Variants in PYGO2 observed in about 807,000 individuals in gnomAD.
PYGO2 encodes the protein pygopus family PHD finger 2, also known as pygopus homolog 2.
A neutral mutation model predicts 26.7 loss-of-function variants in PYGO2; 9 were observed. That is an observed-to-expected ratio of 0.34 (90% CI 0.20 to 0.59). The LOEUF is 0.59. Among genes scored for constraint, PYGO2 ranks in the 20% least tolerant of loss-of-function variants. PYGO2 has a pLI of 0.84. For synonymous variants in PYGO2, 236 were observed against 219.0 expected (o/e 1.08, Z -0.68); for missense variants, 538 against 561.5 (o/e 0.96, Z 0.42).
intron 1 of PYGO2, 94 bp from the exon 2 acceptor site, chr1:154,961,120 G>A: frequency 2.7e-6 from 3 of 1,101,638 alleles, no homozygotes; most frequent in Middle Eastern, 2.1e-4. Context: ...CTCCTTTAAC[G>A]TCAATACATA....
chr1:154,960,687 T>G (rs906246872), intron 2 of PYGO2, among the ~76,000 whole-genome samples: 1 of 151,886 alleles, frequency 6.6e-6, no homozygotes, highest in African/African-American at 2.4e-5. Flanking sequence ...AAAGGATCAG[T>G]AAGTGGTAGG....
rs375007769 is a variant in PYGO2, at chr1:154,959,752, C to G, written c.248G>C (p.Gly83Ala). The part of the protein sequence containing the change: ...VASNPFEDDF[G>A]APKVGVAAPP... Reference sequence around the variant, plus strand: ...GGCTGCAACCCCCACTTTGGGGGCTCCGAAGTCATCTTCAAAAGGGTTGGA... The same window carrying G: ...GGCTGCAACCCCCACTTTGGGGGCTGCGAAGTCATCTTCAAAAGGGTTGGA... The change falls in exon 3 of 3, where the codon GGA becomes GCA. Residue 83 changes from glycine to alanine, a missense_variant. Gly to Ala is a moderately conservative substitution (Grantham distance 60, BLOSUM62 0). This residue lies in a region of PYGO2 where 381 missense variants were observed against 336.6 expected (regional missense o/e 1.13). Transcript: ENST00000368457. This position sits in a 1 kb window ranked among gnomAD's most constrained non-coding sequence, Gnocchi z 4.7. 7 of 1,395,174 alleles carry G rather than the reference C, an allele frequency of 5.0e-6. No homozygotes were observed. The highest frequency in any genetic ancestry group is 6.6e-6 in the Non-Finnish European group (7 of 1,065,342). The allele number at this position is 1,395,174 out of a possible 1,614,324, so 86.4% of individuals were successfully genotyped here.
Position 154,958,539 on chromosome 1 carries a change from A to C in PYGO2, c.*240T>G, listed in dbSNP as rs1015733648. 3.2e-5 allele frequency: 17 copies of C among 532,150 alleles called. No homozygotes were observed. The highest frequency in any genetic ancestry group is 5.4e-5 in the Non-Finnish European group (16 of 296,190). The allele number at this position is 532,150 out of a possible 1,614,324, so 33.0% of individuals were successfully genotyped here. A position where few individuals can be genotyped will look rare whatever the true frequency, so the allele number is the denominator to read the frequency against. On this transcript the variant is annotated 3_prime_UTR_variant, in exon 3 of 3. Transcript: ENST00000368457. ...AAATAGCCACAAAATGGCTCTGCTC[A>C]GCAGGGCTTTGGTTTCCTGGATCTC...
At position 154,961,759 on chromosome 1, in the gene PYGO2, CCAGCGGCGG is replaced by C. The variant is rs1210655997; in HGVS notation, c.-192_-184del. 1.5e-5 allele frequency: 6 copies of C among 402,576 alleles called. No individual in the cohort carries two copies. The highest frequency in any genetic ancestry group is 2.2e-5 in the Non-Finnish European group (5 of 226,874). 24.9% of individuals were successfully genotyped at this position (402,576 alleles called of 1,614,324 possible). ...GCGCTCTCTCCAGACTCGCCGCCCG[CCAGCGGCGG>C]CAGCAACCGGAACCGGAACTCGTCG... On this transcript the variant is annotated 5_prime_UTR_variant, in exon 1 of 3. Coordinates refer to ENST00000368457, the MANE Select transcript of PYGO2 (RefSeq NM_138300.4).
At position 154,959,927 on chromosome 1, in the gene PYGO2, A is replaced by G. The variant is rs1655287256; in HGVS notation, c.154-81T>C. On this transcript the variant is annotated intron_variant, in intron 2 of 2. Coordinates refer to ENST00000368457, the MANE Select transcript of PYGO2 (RefSeq NM_138300.4). This position sits in a 1 kb window ranked among gnomAD's most constrained non-coding sequence, Gnocchi z 4.7. ...CAAGAGAGCACTACCAACACAATACACATTTTGGAGGCTGATACTGTGGGC... is the reference window on the plus strand; with the variant it reads ...CAAGAGAGCACTACCAACACAATACGCATTTTGGAGGCTGATACTGTGGGC... 2.4e-6 allele frequency: 2 copies of G among 827,630 alleles called. No homozygotes were observed. The highest frequency in any genetic ancestry group is 8.3e-5 in the Admixed American group (2 of 23,984). The allele number at this position is 827,630 out of a possible 1,614,324, so 51.3% of individuals were successfully genotyped here. A position where few individuals can be genotyped will look rare whatever the true frequency, so the allele number is the denominator to read the frequency against.
In PYGO2 at chr1:154,958,728, C is replaced by T. The variant is rs754286711; in HGVS notation, c.*51G>A. On this transcript the variant is annotated 3_prime_UTR_variant, in exon 3 of 3. Coordinates refer to ENST00000368457, the MANE Select transcript of PYGO2 (RefSeq NM_138300.4). Reference sequence around the variant, plus strand: ...AGAGCCAAACATCAAAAAAATCACCCTGGAAGAGCAGGGAGAGACATGTGC... The same window carrying T: ...AGAGCCAAACATCAAAAAAATCACCTTGGAAGAGCAGGGAGAGACATGTGC... 2.0e-6 allele frequency: 3 copies of T among 1,490,242 alleles called. No individual in the cohort carries two copies. Among genetic ancestry groups the T allele is most frequent in the Non-Finnish European group, 2.8e-6 (3 of 1,081,652 alleles). 92.3% of individuals were successfully genotyped at this position (1,490,242 alleles called of 1,614,324 possible). A position where few individuals can be genotyped will look rare whatever the true frequency, so the allele number is the denominator to read the frequency against.
At position 154,959,966 on chromosome 1, in the gene PYGO2, A is replaced by T; in HGVS notation, c.154-120T>A. 1.9e-6 allele frequency: 1 copy of T among 538,354 alleles called. No homozygotes were observed. Among genetic ancestry groups the T allele is most frequent in the Non-Finnish European group, 2.9e-6 (1 of 349,456 alleles). The allele number at this position is 538,354 out of a possible 1,614,324, so 33.3% of individuals were successfully genotyped here. On this transcript the variant is annotated intron_variant, in intron 2 of 2. Coordinates refer to ENST00000368457, the MANE Select transcript of PYGO2 (RefSeq NM_138300.4). This position sits in a 1 kb window ranked among gnomAD's most constrained non-coding sequence, Gnocchi z 4.7. ...GATACTGTGGGCAGCTCAGGTCTAAAATCAATATGGACCACAGGCCAGGTG... is the reference window on the plus strand; with the variant it reads ...GATACTGTGGGCAGCTCAGGTCTAATATCAATATGGACCACAGGCCAGGTG...
In PYGO2 at chr1:154,959,658, T is replaced by C; in HGVS notation, c.342A>G (p.Val114=). Residue 114 remains valine, a synonymous_variant, in exon 3 of 3, where the codon GTA becomes GTG. Coordinates refer to ENST00000368457, the MANE Select transcript of PYGO2 (RefSeq NM_138300.4). This position sits in a 1 kb window ranked among gnomAD's most constrained non-coding sequence, Gnocchi z 4.7. ...FRVQGGMAGQ[V]PPGYSTGGGG... ...CACCTCCAGTGCTGTAGCCTGGGGGTACCTGGCCCGCCATGCCCCCCTGCA... is the reference window on the plus strand; with the variant it reads ...CACCTCCAGTGCTGTAGCCTGGGGGCACCTGGCCCGCCATGCCCCCCTGCA... 7.0e-7 allele frequency: 1 copy of C among 1,428,182 alleles called. No homozygotes were observed. The highest frequency in any genetic ancestry group is 9.2e-7 in the Non-Finnish European group (1 of 1,085,718). 88.5% of individuals were successfully genotyped at this position (1,428,182 alleles called of 1,614,324 possible).
Position 154,961,562 on chromosome 1 carries a change from C to G in PYGO2, c.15G>C (p.Ala5=), listed in dbSNP as rs1016432802. 7.3e-7 allele frequency: 1 copy of G among 1,375,898 alleles called. No individual in the cohort carries two copies. The highest frequency in any genetic ancestry group is 9.3e-7 in the Non-Finnish European group (1 of 1,071,096). The allele number at this position is 1,375,898 out of a possible 1,614,324, so 85.2% of individuals were successfully genotyped here. A position where few individuals can be genotyped will look rare whatever the true frequency, so the allele number is the denominator to read the frequency against. Residue 5 remains alanine (A), a synonymous_variant, in exon 1 of 3, where the codon GCG becomes GCC. Coordinates refer to ENST00000368457, the MANE Select transcript of PYGO2 (RefSeq NM_138300.4). Reference sequence around the variant, plus strand: ...CCTCCAGCTTGTCCGGTGGGGGCGGCGCCGAGGCGGCCATGGAGTGGGGGA... The same window carrying G: ...CCTCCAGCTTGTCCGGTGGGGGCGGGGCCGAGGCGGCCATGGAGTGGGGGA... MAAS[A]PPPPDKLEGG... is the part of the protein sequence containing the mutation.
At chr1:154,960,664 C>T (rs1018251026) in intron 2 of PYGO2, among the ~76,000 whole-genome samples, 2 of 151,964 alleles carry the variant, frequency 1.3e-5, no homozygotes, top group Admixed American at 6.6e-5. Context: ...TAGCGCAATC[C>T]CTGGCACTAA....
chr1:154,959,798 TGGG>T lies in PYGO2; in HGVS notation c.199_201del (p.Pro67del). The T allele has an allele frequency of 7.3e-7, 1 of 1,377,620 alleles. No homozygotes were observed. Among genetic ancestry groups the T allele is most frequent in the Admixed American group, 2.9e-5 (1 of 35,080 alleles). The allele number at this position is 1,377,620 out of a possible 1,614,324, so 85.3% of individuals were successfully genotyped here. On this transcript the variant is annotated inframe_deletion, in exon 3 of 3. Transcript: ENST00000368457. This position sits in a 1 kb window ranked among gnomAD's most constrained non-coding sequence, Gnocchi z 4.7. ...TTGGATGCAACCAGGTGATCCACCA[TGGG>T]AGTTGGGGGTGGTGCAAACTCCGTC...
rs940744331 is a variant in PYGO2 at position 154,959,376 on chromosome 1, T to C, written c.624A>G (p.Pro208=). The change falls in exon 3 of 3, where the codon CCA becomes CCG. Residue 208 remains proline (P), a synonymous_variant. Transcript: ENST00000368457. This position sits in a 1 kb window ranked among gnomAD's most constrained non-coding sequence, Gnocchi z 4.7. ...GAGCAAATCGTTGGGACAGAGAAGGTGGGCCCAGCTCTGCTCTGGGAGGCT... is the reference window on the plus strand; with the variant it reads ...GAGCAAATCGTTGGGACAGAGAAGGCGGGCCCAGCTCTGCTCTGGGAGGCT... The part of the protein sequence containing the change: ...MGQPPRAELG[P]PSLSQRFAQP... 6.2e-7 allele frequency: 1 copy of C among 1,609,044 alleles called. No individual in the cohort carries two copies. Among genetic ancestry groups the C allele is most frequent in the African/African-American group, 1.3e-5 (1 of 74,772 alleles).
rs1338275022 is a variant in PYGO2, at chr1:154,959,319, G to A, written c.681C>T (p.Leu227=). 7 of 1,604,520 alleles carry A rather than the reference G, an allele frequency of 4.4e-6. No individual in the cohort carries two copies. The highest frequency in any genetic ancestry group is 6.0e-6 in the Non-Finnish European group (7 of 1,175,894). ...QPGAPFGPSP[L]QRPGQGLPSL... is the part of the protein sequence containing the mutation. ...TGGGGAGCCCCTGACCAGGTCTCTG[G>A]AGAGGAGAAGGGCCAAAAGGAGCCC... Residue 227 remains leucine, a synonymous_variant, in exon 3 of 3, where the codon CTC becomes CTT. Transcript: ENST00000368457. The surrounding 1 kb of genome is among the most constrained non-coding windows in gnomAD (Gnocchi z 4.7).
rs757474823 is a variant in PYGO2, at chr1:154,959,714, C to G, written c.286G>C (p.Gly96Arg). 2.1e-6 allele frequency: 3 copies of G among 1,419,106 alleles called. No homozygotes were observed. Among genetic ancestry groups the G allele is most frequent in the Non-Finnish European group, 1.9e-6 (2 of 1,078,582 alleles). The allele number at this position is 1,419,106 out of a possible 1,614,324, so 87.9% of individuals were successfully genotyped here. ...AAGCCTCCGAAGGGCACAGGACTGCCAAGGAATGGAGGGGCTGCAACCCCC... is the reference window on the plus strand; with the variant it reads ...AAGCCTCCGAAGGGCACAGGACTGCGAAGGAATGGAGGGGCTGCAACCCCC... ...KVGVAAPPFL[G>R]SPVPFGGFRV... Residue 96 changes from glycine (G) to arginine (R), a missense_variant, in exon 3 of 3, where the codon GGC becomes CGC. Coordinates refer to ENST00000368457, the MANE Select transcript of PYGO2 (RefSeq NM_138300.4). This position sits in a 1 kb window ranked among gnomAD's most constrained non-coding sequence, Gnocchi z 4.7.
Position 154,958,480 on chromosome 1 carries a change from CT to C in PYGO2, c.*298del. On this transcript the variant is annotated 3_prime_UTR_variant, in exon 3 of 3. Coordinates refer to ENST00000368457, the MANE Select transcript of PYGO2 (RefSeq NM_138300.4). ...TGCCCTCCGGATCTTCCTCCAGCCC[CT>C]TTTCTCTTGCAGCCACACTCCTGGG... The C allele has an allele frequency of 2.6e-6, 1 of 387,400 alleles. No homozygotes were observed. The highest frequency in any genetic ancestry group is 4.8e-6 in the Non-Finnish European group (1 of 209,646). The allele number at this position is 387,400 out of a possible 1,614,324, so 24.0% of individuals were successfully genotyped here. A position where few individuals can be genotyped will look rare whatever the true frequency, so the allele number is the denominator to read the frequency against.
Position 154,957,126 on chromosome 1 carries a change from G to C in PYGO2, c.*1653C>G, listed in dbSNP as rs1655208539. 6.6e-6 allele frequency: 1 copy of C among 152,392 alleles called. No homozygotes were observed. Among genetic ancestry groups the C allele is most frequent in the South Asian group, 2.1e-4 (1 of 4,832 alleles). The allele number at this position is 152,392 out of a possible 1,614,324, so 9.4% of individuals were successfully genotyped here. A position where few individuals can be genotyped will look rare whatever the true frequency, so the allele number is the denominator to read the frequency against. ...TTCCAAAAAGTAGTGGAGTGAGAGA[G>C]CGAGAGGGAGCAGATCCAGCAAAAA... On this transcript the variant is annotated 3_prime_UTR_variant, in exon 3 of 3. Coordinates refer to ENST00000368457, the MANE Select transcript of PYGO2 (RefSeq NM_138300.4).
intron 1 of PYGO2, 91 bp downstream of exon 1, chr1:154,961,383 G>T: frequency 2.3e-6 from 2 of 852,274 alleles, no homozygotes; most frequent in South Asian, 1.8e-5. Context: ...CAAGCCTTCA[G>T]ACTGTGAAAC....
intron 1 of PYGO2, 148 bp from the exon 2 acceptor site, chr1:154,961,174 A>G (rs1655348022): frequency 1.3e-6 from 1 of 744,972 alleles, no homozygotes; most frequent in African/African-American, 1.8e-5. Context: ...GTGCAATATG[A>G]AAAATAGATT....
In PYGO2 at chr1:154,961,757, C is replaced by T. The variant is rs531340051; in HGVS notation, c.-181G>A. On this transcript the variant is annotated 5_prime_UTR_variant, in exon 1 of 3. Coordinates refer to ENST00000368457, the MANE Select transcript of PYGO2 (RefSeq NM_138300.4). ...GCGCGCTCTCTCCAGACTCGCCGCC[C>T]GCCAGCGGCGGCAGCAACCGGAACC... 5.7e-5 allele frequency: 23 copies of T among 402,376 alleles called. No individual in the cohort carries two copies. In the South Asian group the frequency reaches 1.9e-3, roughly 33 times the overall value. 24.9% of individuals were successfully genotyped at this position (402,376 alleles called of 1,614,324 possible). A position where few individuals can be genotyped will look rare whatever the true frequency, so the allele number is the denominator to read the frequency against.
Sources: gnomAD v4.1 joint callset for allele counts (sites outside exome capture counted in the v4.1 genomes callset) on GRCh38, gnomAD v4.1.1 for gene constraint, gnomAD v4.1.1 regional missense constraint, Gnocchi (gnomAD v3.1) non-coding constraint, MANE v1.5 for transcripts, NCBI Gene and HGNC (gene_info 2026-07-23, HGNC 2026-07-21) for gene names.